The following SNTB2 variants were observed in gnomAD, a reference collection of about 807,000 sequenced individuals.
The protein encoded by SNTB2 is beta-2-syntrophin.
In SNTB2, 34 loss-of-function variants were observed where a neutral mutation model predicts 46.2. The ratio of observed to expected loss-of-function variants is 0.74; its 90% CI spans 0.56 to 0.98. The LOEUF (loss-of-function observed/expected upper bound fraction) is 0.98, where lower values mean the gene tolerates loss of function less well. SNTB2 is among the 50% of genes least tolerant of loss of function. The pLI, the probability that SNTB2 is intolerant of heterozygous loss-of-function variation, is 0.00. For synonymous variants in SNTB2, 290 were observed against 312.6 expected, an observed-to-expected ratio of 0.93 and a Z score of 0.76; for missense variants, 603 against 731.4, an observed-to-expected ratio of 0.82 and a Z score of 2.02.
At chr16:69,236,973 C>T (rs975665424) in intron 1 of SNTB2, among the ~76,000 whole-genome samples, 16 of 152,062 alleles carry the variant, frequency 1.1e-4, no homozygotes, top group Admixed American at 9.2e-4. Context: ...TCCTGGGTGG[C>T]GAGAAAGATG....
At chr16:69,296,200 A>T (rs1484186011) in intron 5 of SNTB2, among the ~76,000 whole-genome samples, 2 of 151,922 alleles carry the variant, frequency 1.3e-5, no homozygotes, top group Admixed American at 1.3e-4. Context: ...GAATTGCTTG[A>T]ACCCAGGAGG....
In SNTB2 at chr16:69,300,893, C is replaced by T. The variant is rs1300064911; in HGVS notation, c.1592C>T (p.Ala531Val). 3.1e-6 allele frequency: 5 copies of T among 1,613,448 alleles called. No individual in the cohort carries two copies. Among genetic ancestry groups the T allele is most frequent in the Non-Finnish European group, 4.2e-6 (5 of 1,179,564 alleles). Residue 531 changes from alanine (A) to valine (V), a missense_variant, in exon 7 of 7, where the codon GCC (alanine) becomes GTC (valine). Around this residue, in one of 2 missense-constraint regions of SNTB2, gnomAD observed 537 missense variants for 692.4 expected, o/e 0.78. Coordinates refer to ENST00000336278, the MANE Select transcript of SNTB2 (RefSeq NM_006750.4). ...IVFVLHTFLS[A>V]KVTRMGLLV ...TTTGTGTTGCACACGTTTTTATCGG[C>T]CAAAGTCACTCGTATGGGACTGCTT...
intron 1 of SNTB2, among the ~76,000 whole-genome samples, chr16:69,228,575 C>T (rs1380294399): frequency 6.6e-6 from 1 of 150,378 alleles, no homozygotes; most frequent in Non-Finnish European, 1.5e-5. Flanking sequence ...AATTATTTGT[C>T]CAAAATCACA....
intron 2 of SNTB2, among the ~76,000 whole-genome samples, chr16:69,246,036 T>A (rs1964667558): frequency 6.6e-6 from 1 of 152,186 alleles, no homozygotes; most frequent in African/African-American, 2.4e-5. Flanking sequence ...TTAATGGCTT[T>A]ACCTCTAGGG....
rs1965313653 is a variant in SNTB2, at chr16:69,306,060, A to T, written c.*5136A>T. 1.3e-5 allele frequency: 2 copies of T among 152,252 alleles called. No individual in the cohort carries two copies. The highest frequency in any genetic ancestry group is 4.8e-5 in the African/African-American group (2 of 41,550). 9.4% of individuals were successfully genotyped at this position (152,252 alleles called of 1,614,324 possible). On this transcript the variant is annotated 3_prime_UTR_variant, in exon 7 of 7. Transcript: ENST00000336278. The stretch of plus-strand genomic sequence containing the variant: ...ATTCCTATGCTGTGATGTTAAATGG[A>T]ATTTATTTTACACTAGTAATAGACT...
intron 1 of SNTB2, among the ~76,000 whole-genome samples, chr16:69,233,994 T>C (rs1372123284): frequency 6.6e-6 from 1 of 151,762 alleles, no homozygotes; most frequent in Non-Finnish European, 1.5e-5. Flanking sequence ...CACTCCGACC[T>C]GGACAACAAA....
intron 4 of SNTB2, among the ~76,000 whole-genome samples, chr16:69,278,772 G>A (rs1965006289): frequency 6.6e-6 from 1 of 152,128 alleles, no homozygotes; most frequent in African/African-American, 2.4e-5. Context: ...GCAGTCTTAT[G>A]TATTCCCTAA....
At chr16:69,264,266 G>A (rs1049055905) in intron 3 of SNTB2, among the ~76,000 whole-genome samples, 1 of 152,138 alleles carries the variant, frequency 6.6e-6, no homozygotes, top group Admixed American at 6.5e-5. Flanking sequence ...GAGGGCTCTC[G>A]CTCTTCTGGT....
chr16:69,221,588 C>A (rs1964405457), intron 1 of SNTB2, among the ~76,000 whole-genome samples: 1 of 152,106 alleles, frequency 6.6e-6, no homozygotes, highest in Admixed American at 6.6e-5. Context: ...CCAACTTGAT[C>A]AACATGGCAA....
chr16:69,260,406 A>C, intron 3 of SNTB2, 146 bp downstream of exon 3: 8 of 735,780 alleles, frequency 1.1e-5, no homozygotes, highest in Non-Finnish European at 1.8e-5. Flanking sequence ...GTTTTGTTTC[A>C]CCTCCCTTTT....
chr16:69,203,148 G>A (rs746249797), intron 1 of SNTB2, among the ~76,000 whole-genome samples: 2 of 151,320 alleles, frequency 1.3e-5, no homozygotes, highest in Non-Finnish European at 2.9e-5. Flanking sequence ...CCTCCTAGTA[G>A]CTGGGATTAC....
chr16:69,206,712 A>G (rs1964223003), intron 1 of SNTB2, among the ~76,000 whole-genome samples: 1 of 151,576 alleles, frequency 6.6e-6, no homozygotes, highest in Non-Finnish European at 1.5e-5. Flanking sequence ...AAAAAAAAAG[A>G]AAATATCTTC....
chr16:69,267,332 A>G (rs571703356), intron 3 of SNTB2, among the ~76,000 whole-genome samples: 1 of 152,284 alleles, frequency 6.6e-6, no homozygotes, highest in African/African-American at 2.4e-5. Context: ...TCAGTTTATC[A>G]TTTTAACCCT....
At position 69,292,435 on chromosome 16, in the gene SNTB2, TTA is replaced by T. The variant is rs1185185153; in HGVS notation, c.1346-7144_1346-7143del. 2.4e-3 allele frequency among the ~76,000 whole-genome samples: 25 copies of T among 10,500 alleles called. 3 individuals carry two copies. The highest frequency in any genetic ancestry group is 0.014 in the South Asian group (6 of 426). The allele number at this position is 10,500 out of a possible 152,430, so 6.9% of individuals were successfully genotyped here. ...TATATATATTATATATATATATATA[TTA>T]TATATATATAATTTTTTTTTTGAGA... is the stretch of plus-strand genomic sequence containing the variant. On this transcript the variant is annotated intron_variant, in intron 5 of 6. Transcript: ENST00000336278.
chr16:69,307,023 A>G lies in SNTB2; in HGVS notation c.*6099A>G, dbSNP rs1475211145. 6.6e-6 allele frequency: 1 copy of G among 152,188 alleles called. No individual in the cohort carries two copies. The highest frequency in any genetic ancestry group is 2.4e-5 in the African/African-American group (1 of 41,448). The allele number at this position is 152,188 out of a possible 1,614,324, so 9.4% of individuals were successfully genotyped here. On this transcript the variant is annotated 3_prime_UTR_variant, in exon 7 of 7. Transcript: ENST00000336278. The stretch of plus-strand genomic sequence containing the variant: ...TTTGCAATAATCTTACGTCCATGCT[A>G]TTGACACTAATTTTGAAACTGGAAA...
At chr16:69,191,557 CAAA>C (rs1204153764) in intron 1 of SNTB2, among the ~76,000 whole-genome samples, 2 of 60,298 alleles carry the variant, frequency 3.3e-5, no homozygotes, top group Non-Finnish European at 6.6e-5. Flanking sequence ...GATCCTGTCT[CAAA>C]AAAAAAAAAA....
intron 2 of SNTB2, among the ~76,000 whole-genome samples, chr16:69,259,440 G>T: frequency 6.6e-6 from 1 of 151,116 alleles, no homozygotes; most frequent in African/African-American, 2.4e-5. Context: ...TCACTGTGTT[G>T]GCCAGACTGG....
Position 69,304,226 on chromosome 16 carries a change from G to T in SNTB2, c.*3302G>T, listed in dbSNP as rs1012495058. ...CATTATCTGGAAATTAGTTTCTAAT[G>T]TTGTATATGAAGAAATACTTAAATA... On this transcript the variant is annotated 3_prime_UTR_variant, in exon 7 of 7. Transcript: ENST00000336278. 6.6e-6 allele frequency: 1 copy of T among 152,366 alleles called. No homozygotes were observed. The highest frequency in any genetic ancestry group is 2.4e-5 in the African/African-American group (1 of 41,432). 9.4% of individuals were successfully genotyped at this position (152,366 alleles called of 1,614,324 possible). A position where few individuals can be genotyped will look rare whatever the true frequency, so the allele number is the denominator to read the frequency against.
At chr16:69,258,266 T>A (rs1327536103) in intron 2 of SNTB2, among the ~76,000 whole-genome samples, 14 of 152,182 alleles carry the variant, frequency 9.2e-5, no homozygotes, top group Non-Finnish European at 2.9e-5. Flanking sequence ...TTAAAAGATA[T>A]ATATGTTCAC....
Sources: gnomAD v4.1 joint callset for allele counts (sites outside exome capture counted in the v4.1 genomes callset) on GRCh38, gnomAD v4.1.1 for gene constraint, gnomAD v4.1.1 regional missense constraint, MANE v1.5 for transcripts, NCBI Gene and HGNC (gene_info 2026-07-23, HGNC 2026-07-21) for gene names.